FAM53B: variants seen among roughly 807,000 people sequenced by gnomAD.
FAM53B encodes protein FAM53B.
FAM53B carries 12 observed loss-of-function variants against 32.7 expected under a neutral mutation model. The ratio of observed to expected loss-of-function variants is 0.37; its 90% CI spans 0.24 to 0.59. The LOEUF (loss-of-function observed/expected upper bound fraction) is 0.59, where lower values mean the gene tolerates loss of function less well. Among genes scored for constraint, FAM53B ranks in the 20% least tolerant of loss-of-function variants. The pLI is 0.72. For missense variants in FAM53B, 477 were observed against 577.7 expected (o/e 0.83, Z 1.79); for synonymous variants, 234 against 228.7 (o/e 1.02, Z -0.21).
chr10:124,628,020 G>C (rs1362478546), intron 4 of FAM53B, among the ~76,000 whole-genome samples: 2 of 152,244 alleles, frequency 1.3e-5, no homozygotes, highest in Non-Finnish European at 2.9e-5. Flanking sequence ...CTGCCAGGCA[G>C]ACTGCTACTC....
intron 1 of FAM53B, among the ~76,000 whole-genome samples, chr10:124,731,083 C>T (rs181787275): frequency 5.6e-4 from 85 of 152,290 alleles, no homozygotes; most frequent in Middle Eastern, 3.4e-3. Flanking sequence ...GAACTACTGC[C>T]CATGAGCTAA....
chr10:124,641,117 C>T (rs1411829185), intron 4 of FAM53B, among the ~76,000 whole-genome samples: 1 of 152,228 alleles, frequency 6.6e-6, no homozygotes, highest in South Asian at 2.1e-4. Flanking sequence ...CCCTCAGGGG[C>T]TGTCCAGAGT....
At chr10:124,674,725 C>G (rs963870831) in intron 4 of FAM53B, among the ~76,000 whole-genome samples, 1 of 152,252 alleles carries the variant, frequency 6.6e-6, no homozygotes, top group Non-Finnish European at 1.5e-5. Flanking sequence ...TTCCATGAAG[C>G]AAGACTGGCG....
Position 124,692,133 on chromosome 10 carries a change from A to G in FAM53B, c.133+4025T>C, listed in dbSNP as rs147548709. Among the ~76,000 whole-genome samples the G allele has an allele frequency of 7.2e-5, 11 of 152,334 alleles. No homozygotes were observed. The East Asian group carries it at 2.1e-3, about 29-fold the overall frequency. The stretch of plus-strand genomic sequence containing the variant: ...GAGAAAGGAAGCCAAGAGTCAAAAC[A>G]GCCTCCGCTGGCAGGAGCCCTGTGG... On this transcript the variant is annotated intron_variant, in intron 3 of 4. Coordinates refer to ENST00000337318, the MANE Select transcript of FAM53B (RefSeq NM_014661.4).
rs1197264440 is a variant in FAM53B at position 124,724,377 on chromosome 10, T to TGCCAGC, written c.-174-17496_-174-17491dup. Among the ~76,000 whole-genome samples the TGCCAGC allele has an allele frequency of 5.3e-5, 8 of 152,164 alleles. No homozygotes were observed. In the South Asian group the frequency reaches 6.2e-4, roughly 12 times the overall value. ...GGTCAGCTGCCACAACATCGGCCAGTGCCAGCGCCAGCGCCCTCACAAGGC... is the reference window on the plus strand; with the variant it reads ...GGTCAGCTGCCACAACATCGGCCAGTGCCAGCGCCAGCGCCAGCGCCCTCACAAGGC... On this transcript the variant is annotated intron_variant, in intron 1 of 4. Coordinates refer to ENST00000337318, the MANE Select transcript of FAM53B (RefSeq NM_014661.4).
chr10:124,666,118 C>T (rs1402915578), intron 4 of FAM53B, among the ~76,000 whole-genome samples: 1 of 152,240 alleles, frequency 6.6e-6, no homozygotes, highest in Non-Finnish European at 1.5e-5. Context: ...CCAGAAAGTT[C>T]CCCTGGTGGG....
At position 124,688,445 on chromosome 10, in the gene FAM53B, C is replaced by T. The variant is rs1216521958; in HGVS notation, c.134-6066G>A. Reference sequence around the variant, plus strand: ...CGAGAGCGTGTGCATTTGTGTGTAGCGTAAACACACAAGAGCCTTTGCCTG... The same window carrying T: ...CGAGAGCGTGTGCATTTGTGTGTAGTGTAAACACACAAGAGCCTTTGCCTG... On this transcript the variant is annotated intron_variant, in intron 3 of 4. Transcript: ENST00000337318. Among the ~76,000 whole-genome samples, 7 of 152,190 alleles carry T rather than the reference C, an allele frequency of 4.6e-5. No individual in the cohort carries two copies. In the East Asian group the frequency reaches 7.7e-4, roughly 17 times the overall value.
In FAM53B at chr10:124,655,377, C is replaced by G. The variant is rs1949582870; in HGVS notation, c.906+26230G>C. ...TGGGGAGGGGCCTGAAAGCCACACC[C>G]TCCTGGGTGTCAACAGGAAGACTAG... On this transcript the variant is annotated intron_variant, in intron 4 of 4. Transcript: ENST00000337318. 2.0e-5 allele frequency among the ~76,000 whole-genome samples: 3 copies of G among 152,148 alleles called. No individual in the cohort carries two copies. The South Asian group carries it at 6.2e-4, about 32-fold the overall frequency.
At chr10:124,694,553 T>C (rs1298990193) in intron 3 of FAM53B, among the ~76,000 whole-genome samples, 1 of 152,176 alleles carries the variant, frequency 6.6e-6, no homozygotes, top group East Asian at 1.9e-4. Context: ...ACAACCCAGT[T>C]TACTGGTCTG....
chr10:124,741,559 A>G (rs1950199715), intron 1 of FAM53B, among the ~76,000 whole-genome samples: 1 of 152,178 alleles, frequency 6.6e-6, no homozygotes, highest in African/African-American at 2.4e-5. Flanking sequence ...CTGAGCTTCA[A>G]TCAAGGGTCA....
chr10:124,691,260 G>A (rs1359570946), intron 3 of FAM53B, among the ~76,000 whole-genome samples: 1 of 152,142 alleles, frequency 6.6e-6, no homozygotes, highest in Non-Finnish European at 1.5e-5. Context: ...GACTTTAACA[G>A]CCAAGTAATT....
At chr10:124,712,085 T>G (rs1429925893) in intron 1 of FAM53B, among the ~76,000 whole-genome samples, 1 of 152,034 alleles carries the variant, frequency 6.6e-6, no homozygotes, top group African/African-American at 2.4e-5. Context: ...CTGGGTGCAG[T>G]GGGTCATGCC....
At chr10:124,726,679 G>A (rs562052022) in intron 1 of FAM53B, among the ~76,000 whole-genome samples, 1 of 152,320 alleles carries the variant, frequency 6.6e-6, no homozygotes, top group East Asian at 1.9e-4. Context: ...CATACGAAGA[G>A]ATAAAAACAG....
Position 124,681,870 on chromosome 10 carries a change from G to C in FAM53B, c.643C>G (p.Leu215Val). The change falls in exon 4 of 5, where the codon CTG (leucine) becomes GTG (valine). Residue 215 changes from leucine to valine, a missense_variant. Transcript: ENST00000337318. ...AGCCGGCCTCCTCCCACGGGGTGCA[G>C]GTCAGGGCTCCAGGTGTCACCTGCC... ...GQAGDTWSPD[L>V]HPVGGGRLDL... 1 of 1,613,552 alleles carries C rather than the reference G, an allele frequency of 6.2e-7. No individual in the cohort carries two copies.
rs1233901703 is a variant in FAM53B, at chr10:124,706,722, C to T, written c.-9G>A. ...CTTAGGACCATCACCATGATAAGGG[C>T]CTCAGGCGCTGGGCTCCATCCCAGG... On this transcript the variant is annotated 5_prime_UTR_variant, in exon 2 of 5. Transcript: ENST00000337318. 10 of 1,613,952 alleles carry T rather than the reference C, an allele frequency of 6.2e-6. No homozygotes were observed. Among genetic ancestry groups the T allele is most frequent in the Non-Finnish European group, 8.5e-6 (10 of 1,179,986 alleles).
chr10:124,710,539 A>G (rs1003321060), intron 1 of FAM53B, among the ~76,000 whole-genome samples: 1 of 152,206 alleles, frequency 6.6e-6, no homozygotes, highest in Non-Finnish European at 1.5e-5. Flanking sequence ...CTTCGAGCCC[A>G]GTCTGCAAAC....
At chr10:124,694,910 C>T (rs765394231) in intron 3 of FAM53B, among the ~76,000 whole-genome samples, 2 of 152,200 alleles carry the variant, frequency 1.3e-5, no homozygotes. Context: ...AGTCTCCCTT[C>T]GTCACCCACC....
At chr10:124,711,023 C>T (rs754166449) in intron 1 of FAM53B, among the ~76,000 whole-genome samples, 4 of 152,178 alleles carry the variant, frequency 2.6e-5, no homozygotes, top group Admixed American at 1.3e-4. Context: ...TTTGTAACAG[C>T]CCTTTATTCA....
chr10:124,666,669 C>A (rs892080548), intron 4 of FAM53B, among the ~76,000 whole-genome samples: 5 of 152,232 alleles, frequency 3.3e-5, no homozygotes, highest in Non-Finnish European at 5.9e-5. Flanking sequence ...GCCCCGGCCA[C>A]ACGCCAGGAA....
Sources: allele counts gnomAD v4.1 joint callset (sites outside exome capture counted in the v4.1 genomes callset), GRCh38; gene constraint gnomAD v4.1.1; transcripts MANE v1.5; gene names NCBI Gene and HGNC (gene_info 2026-07-23, HGNC 2026-07-21).